SEC24A: variants seen among roughly 807,000 people sequenced by gnomAD.
The protein encoded by SEC24A is SEC24 homolog A, COPII component, also known as protein transport protein Sec24A.
A neutral mutation model predicts 129.4 loss-of-function variants in SEC24A; 93 were observed. The observed-to-expected ratio is 0.72, with a 90% confidence interval of 0.61 to 0.85. SEC24A has a LOEUF of 0.85. SEC24A is among the 40% of genes least tolerant of loss of function. SEC24A has a pLI of 0.00. For missense variants in SEC24A, 1,264 were observed against 1,307.4 expected (o/e 0.97, Z 0.51); for synonymous variants, 460 against 467.3 (o/e 0.98, Z 0.20).
intron 8 of SEC24A, among the ~76,000 whole-genome samples, chr5:134,680,525 G>A (rs79218044): frequency 0.026 from 3,948 of 151,978 alleles, 159 homozygotes; most frequent in East Asian, 0.21. Flanking sequence ...TAGGGGTGGA[G>A]TTTCACCGTT....
rs114193093 is a variant in SEC24A at position 134,673,751 on chromosome 5, C to T, written c.818-864C>T. 7.7e-3 allele frequency among the ~76,000 whole-genome samples: 1,168 copies of T among 152,298 alleles called. 12 individuals carry two copies. Among genetic ancestry groups the T allele is most frequent in the African/African-American group, 0.027 (1,110 of 41,576 alleles). On this transcript the variant is annotated intron_variant, in intron 4 of 22. Transcript: ENST00000398844. Reference sequence around the variant, plus strand: ...CTGGGATTACAGGCATGAGTCACCACACCCAGCCGACATGAAAGTAAATTA... The same window carrying T: ...CTGGGATTACAGGCATGAGTCACCATACCCAGCCGACATGAAAGTAAATTA...
chr5:134,689,211 G>A (rs1751551342), intron 11 of SEC24A, among the ~76,000 whole-genome samples: 1 of 152,142 alleles, frequency 6.6e-6, no homozygotes, highest in Non-Finnish European at 1.5e-5. Context: ...TTAGAACCCT[G>A]GTGCACTGCT....
intron 21 of SEC24A, among the ~76,000 whole-genome samples, chr5:134,721,873 A>G (rs1405795808): frequency 6.6e-6 from 1 of 152,228 alleles, no homozygotes; most frequent in Non-Finnish European, 1.5e-5. Flanking sequence ...ACCTGTCTCA[A>G]AAAATAAATA....
At chr5:134,673,041 C>T (rs1750925085) in intron 4 of SEC24A, among the ~76,000 whole-genome samples, 1 of 146,936 alleles carries the variant, frequency 6.8e-6, no homozygotes, top group Admixed American at 7.4e-5. Flanking sequence ...TCTCACACGG[C>T]CCATTTAGGA....
intron 6 of SEC24A, 80 bp downstream of exon 6, chr5:134,675,297 A>G (rs1751021775): frequency 9.9e-7 from 1 of 1,013,744 alleles, no homozygotes; most frequent in Non-Finnish European, 1.4e-6. Flanking sequence ...TGTTATGAAT[A>G]AGCTGTACAA....
chr5:134,672,676 T>G (rs750879849), intron 4 of SEC24A, among the ~76,000 whole-genome samples: 1 of 152,282 alleles, frequency 6.6e-6, no homozygotes, highest in South Asian at 2.1e-4. Flanking sequence ...TTTTGTTAAG[T>G]TTTTCTTCTG....
chr5:134,702,335 T>A (rs1413852191), intron 15 of SEC24A, among the ~76,000 whole-genome samples: 1 of 152,224 alleles, frequency 6.6e-6, no homozygotes, highest in African/African-American at 2.4e-5. Context: ...TCCTGATTAC[T>A]GTTTTTAAGT....
chr5:134,679,967 G>T (rs1249759051), intron 8 of SEC24A, among the ~76,000 whole-genome samples: 1 of 151,884 alleles, frequency 6.6e-6, no homozygotes, highest in African/African-American at 2.4e-5. Context: ...TTTTTACATT[G>T]TATTGGGTAT....
intron 21 of SEC24A, among the ~76,000 whole-genome samples, chr5:134,721,561 CAAAAAAAAAAAA>C (rs757908828): frequency 1.8e-5 from 1 of 55,416 alleles, no homozygotes; most frequent in Non-Finnish European, 3.6e-5. Context: ...GACTCCATCT[CAAAAAAAAAAAA>C]AAAAAAAAGA....
chr5:134,695,004 A>G (rs2150098690), intron 13 of SEC24A, among the ~76,000 whole-genome samples: 1 of 152,224 alleles, frequency 6.6e-6, no homozygotes, highest in East Asian at 1.9e-4. Flanking sequence ...CAGACTGCCT[A>G]GTCTCACTGT....
At chr5:134,720,333 C>T (rs554468440) in intron 20 of SEC24A, among the ~76,000 whole-genome samples, 64 of 152,218 alleles carry the variant, frequency 4.2e-4, no homozygotes, top group African/African-American at 1.4e-3. Context: ...ATGCTATAGA[C>T]GTTTGTAGCC....
chr5:134,684,658 A>G (rs1348243560), intron 9 of SEC24A, among the ~76,000 whole-genome samples: 1 of 152,134 alleles, frequency 6.6e-6, no homozygotes. Flanking sequence ...GGTTGCAGTG[A>G]GCCGAGATTG....
At chr5:134,704,611 G>A (rs1670112678) in intron 16 of SEC24A, among the ~76,000 whole-genome samples, 1 of 151,874 alleles carries the variant, frequency 6.6e-6, no homozygotes, top group African/African-American at 2.4e-5. Flanking sequence ...GACCAGCCTG[G>A]ACAACATAGT....
At chr5:134,713,077 G>A (rs999277442) in intron 18 of SEC24A, among the ~76,000 whole-genome samples, 11 of 150,404 alleles carry the variant, frequency 7.3e-5, no homozygotes, top group Non-Finnish European at 1.2e-4. Flanking sequence ...GACTACAGGC[G>A]CCCACCACAA....
chr5:134,659,039 C>T (rs551384032), intron 1 of SEC24A, among the ~76,000 whole-genome samples: 2 of 121,908 alleles, frequency 1.6e-5, no homozygotes, highest in South Asian at 5.0e-4. Flanking sequence ...AATCACTGAC[C>T]CATTTATTTT....
intron 11 of SEC24A, among the ~76,000 whole-genome samples, chr5:134,690,087 C>T (rs1039922341): frequency 1.3e-5 from 2 of 152,154 alleles, no homozygotes; most frequent in East Asian, 1.9e-4. Context: ...GGCGCCATCT[C>T]GGCTCGCTGC....
At position 134,649,257 on chromosome 5, in the gene SEC24A, A is replaced by G. The variant is rs1443057937; in HGVS notation, c.97+84A>G. ...CACTGCTGCTTGAGGCGACATAGATAGAGAGAGTGACCTCCTTACCGGGTT... is the reference window on the plus strand; with the variant it reads ...CACTGCTGCTTGAGGCGACATAGATGGAGAGAGTGACCTCCTTACCGGGTT... On this transcript the variant is annotated intron_variant, in intron 1 of 22. Transcript: ENST00000398844. The G allele has an allele frequency of 5.0e-6, 5 of 1,006,186 alleles. 1 individual carries two copies. The highest frequency in any genetic ancestry group is 7.2e-6 in the Non-Finnish European group (5 of 696,752). 62.3% of individuals were successfully genotyped at this position (1,006,186 alleles called of 1,614,324 possible). A position where few individuals can be genotyped will look rare whatever the true frequency, so the allele number is the denominator to read the frequency against.
Position 134,693,899 on chromosome 5 carries a change from C to T in SEC24A, c.1952C>T (p.Pro651Leu). ...ACTCTTGGAGTGGGAGCCCTGAAAC[C>T]ACGAGAGGAACCAAACCACAGGTCA... is the stretch of plus-strand genomic sequence containing the variant. ...LPTLGVGALK[P>L]REEPNHRSSA... Residue 651 changes from proline to leucine, a missense_variant, in exon 13 of 23, where the codon CCA becomes CTA. Physicochemically the swap from Pro to Leu is moderately conservative, Grantham distance 98. Coordinates refer to ENST00000398844, the MANE Select transcript of SEC24A (RefSeq NM_021982.3). 1 of 1,614,088 alleles carries T rather than the reference C, an allele frequency of 6.2e-7. No homozygotes were observed. Among genetic ancestry groups the T allele is most frequent in the Non-Finnish European group, 8.5e-7 (1 of 1,180,010 alleles).
chr5:134,694,015 T>G lies in SEC24A; in HGVS notation c.1986+82T>G. ...CATAGAACTTGTTTTTTCTTTAAAT[T>G]TATTTGTCAATTGTTGGGAGGAGGG... On this transcript the variant is annotated intron_variant, in intron 13 of 22. Transcript: ENST00000398844. 2 of 1,185,750 alleles carry G rather than the reference T, an allele frequency of 1.7e-6. No individual in the cohort carries two copies. Among genetic ancestry groups the G allele is most frequent in the Admixed American group, 4.7e-5 (2 of 42,966 alleles). 73.5% of individuals were successfully genotyped at this position (1,185,750 alleles called of 1,614,324 possible). A position where few individuals can be genotyped will look rare whatever the true frequency, so the allele number is the denominator to read the frequency against.
Sources: allele counts gnomAD v4.1 joint callset (sites outside exome capture counted in the v4.1 genomes callset), GRCh38; gene constraint gnomAD v4.1.1; transcripts MANE v1.5; gene names NCBI Gene and HGNC (gene_info 2026-07-23, HGNC 2026-07-21).